Variants in DOCK1 observed in about 807,000 individuals in gnomAD.
DOCK1 encodes the protein dedicator of cytokinesis protein 1.
DOCK1 carries 138 observed loss-of-function variants against 262.7 expected under a neutral mutation model. The ratio of observed to expected loss-of-function variants is 0.53; its 90% CI spans 0.46 to 0.61. The LOEUF is 0.61. Among genes scored for constraint, DOCK1 ranks in the 20% least tolerant of loss-of-function variants. The pLI is 0.00. For synonymous variants in DOCK1, 866 were observed against 867.4 expected (o/e 1.00, Z 0.03); for missense variants, 1,908 against 2,370.7 (o/e 0.80, Z 4.05).
chr10:127,220,363 G>A (rs12358357), intron 27 of DOCK1, among the ~76,000 whole-genome samples: 15,223 of 151,996 alleles, frequency 0.1, 1,015 homozygotes, highest in Non-Finnish European at 0.15. Flanking sequence ...GGACGTGTGT[G>A]TTGCAGCAGC....
At chr10:127,137,934 G>A (rs763035367) in intron 27 of DOCK1, 6 of 1,614,026 alleles carry the variant, frequency 3.7e-6, no homozygotes, top group South Asian at 1.1e-5. Context: ...GTAAGGCGAA[G>A]GTATGACCTG....
chr10:126,955,167 C>G (rs2036631332), intron 1 of DOCK1, among the ~76,000 whole-genome samples: 1 of 152,146 alleles, frequency 6.6e-6, no homozygotes. Context: ...TGCTCTGTTG[C>G]CCAGGCTAGA....
In DOCK1 at chr10:127,289,028, A is replaced by G. The variant is rs563946981; in HGVS notation, c.3044+31599A>G. Among the ~76,000 whole-genome samples, 6 of 152,028 alleles carry G rather than the reference A, an allele frequency of 3.9e-5. No individual in the cohort carries two copies. The South Asian group carries it at 1.2e-3, about 32-fold the overall frequency. On this transcript the variant is annotated intron_variant, in intron 29 of 51. Transcript: ENST00000623213. ...TTATTTAGAATAATGTGTCTCAGAT[A>G]TACTAAGCAAGTGTTTTCATAGTAT...
chr10:127,178,755 A>G (rs996888446), intron 27 of DOCK1, among the ~76,000 whole-genome samples: 18 of 152,200 alleles, frequency 1.2e-4, no homozygotes, highest in South Asian at 4.1e-4. Context: ...AGATGCACCA[A>G]TATCTTGGCC....
At chr10:127,363,404 G>A (rs1435356581) in intron 33 of DOCK1, among the ~76,000 whole-genome samples, 2 of 152,124 alleles carry the variant, frequency 1.3e-5, no homozygotes, top group African/African-American at 2.4e-5. Flanking sequence ...GGGAAGTCAA[G>A]GCTGCAGTGA....
At chr10:127,320,468 C>A (rs574675210) in intron 29 of DOCK1, among the ~76,000 whole-genome samples, 1 of 152,252 alleles carries the variant, frequency 6.6e-6, no homozygotes, top group Admixed American at 6.5e-5. Context: ...GGTTTTATAG[C>A]ATCCAATCAG....
chr10:127,049,374 C>T (rs1317375377), intron 21 of DOCK1, among the ~76,000 whole-genome samples: 6 of 151,906 alleles, frequency 3.9e-5, no homozygotes, highest in South Asian at 2.1e-4. Flanking sequence ...TACAAAAATT[C>T]GCCAAGTGTG....
Position 127,236,158 on chromosome 10 carries a change from C to T in DOCK1, c.2848-11850C>T, listed in dbSNP as rs528470427. On this transcript the variant is annotated intron_variant, in intron 27 of 51. Coordinates refer to ENST00000623213, the MANE Select transcript of DOCK1 (RefSeq NM_001290223.2). ...TTATCAATTTTAAAATTTTATGTTT[C>T]ATGCTTTTTGTATCCTAAGAAATAT... Among the ~76,000 whole-genome samples the T allele has an allele frequency of 6.6e-4, 101 of 152,108 alleles. 2 individuals carry two copies. Among genetic ancestry groups the T allele is most frequent in the African/African-American group, 2.4e-3 (98 of 41,502 alleles).
rs563926244 is a variant in DOCK1, at chr10:127,350,229, T to C, written c.3225-4440T>C. Among the ~76,000 whole-genome samples, 16 of 150,194 alleles carry C rather than the reference T, an allele frequency of 1.1e-4. No homozygotes were observed. In the East Asian group the frequency reaches 2.8e-3, roughly 26 times the overall value. ...GTATTTTTTATGTCAGAAAAGTTTA[T>C]GAAACTTAAAAAAAAAGTGGCGGCA... On this transcript the variant is annotated intron_variant, in intron 31 of 51. Coordinates refer to ENST00000623213, the MANE Select transcript of DOCK1 (RefSeq NM_001290223.2).
chr10:127,273,565 T>C (rs1255496595), intron 29 of DOCK1, among the ~76,000 whole-genome samples: 1 of 152,210 alleles, frequency 6.6e-6, no homozygotes, highest in Non-Finnish European at 1.5e-5. Context: ...TGCTGTAGCA[T>C]ACTGTGCGAA....
Position 127,175,444 on chromosome 10 carries a change from A to C in DOCK1, c.2847+47680A>C. Reference sequence around the variant, plus strand: ...TGAGTCTGCGACGGCTGCTCACTACATTCGGGGGACAGGCACTGCATCGGG... The same window carrying C: ...TGAGTCTGCGACGGCTGCTCACTACCTTCGGGGGACAGGCACTGCATCGGG... On this transcript the variant is annotated intron_variant, in intron 27 of 51. Coordinates refer to ENST00000623213, the MANE Select transcript of DOCK1 (RefSeq NM_001290223.2). The surrounding 1 kb of genome is among the most constrained non-coding windows in gnomAD (Gnocchi z 6.3). 1 of 1,612,150 alleles carries C rather than the reference A, an allele frequency of 6.2e-7. No homozygotes were observed. The highest frequency in any genetic ancestry group is 1.3e-5 in the African/African-American group (1 of 75,048).
At chr10:127,030,600 G>A (rs913447886) in intron 16 of DOCK1, among the ~76,000 whole-genome samples, 1 of 152,168 alleles carries the variant, frequency 6.6e-6, no homozygotes, top group Non-Finnish European at 1.5e-5. Flanking sequence ...TATATCATCT[G>A]AAAGCTCATT....
intron 21 of DOCK1, among the ~76,000 whole-genome samples, chr10:127,052,362 A>G (rs1230940738): frequency 5.3e-5 from 8 of 152,094 alleles, no homozygotes; most frequent in African/African-American, 1.9e-4. Context: ...TGTCTCTACT[A>G]AAATACAAAA....
intron 5 of DOCK1, among the ~76,000 whole-genome samples, chr10:126,989,657 C>A (rs1248108089): frequency 6.6e-6 from 1 of 152,208 alleles, no homozygotes; most frequent in East Asian, 1.9e-4. Flanking sequence ...TAGGTTCCAC[C>A]TAAATTTCTT....
chr10:127,155,919 C>G (rs1385181619), intron 27 of DOCK1, among the ~76,000 whole-genome samples: 1 of 152,160 alleles, frequency 6.6e-6, no homozygotes, highest in African/African-American at 2.4e-5. Context: ...GCTTGGGTGG[C>G]AGATGAGGTA....
At position 126,952,313 on chromosome 10, in the gene DOCK1, A is replaced by G. The variant is rs1463177700; in HGVS notation, c.47-18389A>G. Among the ~76,000 whole-genome samples the G allele has an allele frequency of 2.0e-5, 3 of 147,598 alleles. No individual in the cohort carries two copies. In the East Asian group the frequency reaches 6.0e-4, roughly 30 times the overall value. ...AGGTGATGGTGGTGGTGGCAGTAGT[A>G]TTGTTATTGTTGGTTGTATTGTTGG... On this transcript the variant is annotated intron_variant, in intron 1 of 51. Coordinates refer to ENST00000623213, the MANE Select transcript of DOCK1 (RefSeq NM_001290223.2).
At chr10:127,241,044 C>T (rs1564927923) in intron 27 of DOCK1, among the ~76,000 whole-genome samples, 1 of 152,148 alleles carries the variant, frequency 6.6e-6, no homozygotes, top group African/African-American at 2.4e-5. Context: ...AGTTCTTTGG[C>T]TGGGCGCGGT....
intron 21 of DOCK1, among the ~76,000 whole-genome samples, chr10:127,050,529 G>C (rs1428988869): frequency 6.9e-6 from 1 of 145,952 alleles, no homozygotes; most frequent in Non-Finnish European, 1.5e-5. Context: ...TGGCCAATAT[G>C]GTGAAACCCT....
At chr10:126,946,740 G>A (rs972878312) in intron 1 of DOCK1, among the ~76,000 whole-genome samples, 8 of 152,150 alleles carry the variant, frequency 5.3e-5, no homozygotes, top group Non-Finnish European at 7.3e-5. Context: ...CACAGCACAC[G>A]TCAACACTTC....
Sources: allele counts gnomAD v4.1 joint callset (sites outside exome capture counted in the v4.1 genomes callset), GRCh38; gene constraint gnomAD v4.1.1; non-coding constraint Gnocchi (gnomAD v3.1); transcripts MANE v1.5; gene names NCBI Gene and HGNC (gene_info 2026-07-23, HGNC 2026-07-21).